The following PTN variants were observed in gnomAD, a reference collection of about 807,000 sequenced individuals.
PTN encodes the protein pleiotrophin.
A neutral mutation model predicts 24.1 loss-of-function variants in PTN; 18 were observed. The observed-to-expected ratio is 0.75, with a 90% confidence interval of 0.52 to 1.11. The LOEUF is 1.11. Among genes scored for constraint, PTN ranks in the 50% least tolerant of loss-of-function variants. PTN has a pLI of 0.00. For synonymous variants in PTN, 78 were observed against 68.6 expected (o/e 1.14, Z -0.67); for missense variants, 163 against 198.8 (o/e 0.82, Z 1.08).
rs149443798 is a variant in PTN at position 137,251,893 on chromosome 7, C to T, written c.290-502G>A. On this transcript the variant is annotated intron_variant, in intron 3 of 4. Transcript: ENST00000348225. ...TTTCTTCCTATTGCTGAGTAGTATT[C>T]CATGGTCCCAATGTACCCCAGTTTG... 1.1e-3 allele frequency among the ~76,000 whole-genome samples: 174 copies of T among 151,870 alleles called. 1 individual carries two copies. Among genetic ancestry groups the T allele is most frequent in the African/African-American group, 4.0e-3 (166 of 41,204 alleles).
intron 1 of PTN, among the ~76,000 whole-genome samples, chr7:137,295,790 A>G (rs926693845): frequency 6.6e-6 from 1 of 151,822 alleles, no homozygotes; most frequent in African/African-American, 2.4e-5. Flanking sequence ...AATTTTTTCT[A>G]CTTCACCAGT....
chr7:137,314,387 T>A (rs144230373), intron 1 of PTN, among the ~76,000 whole-genome samples: 176 of 152,216 alleles, frequency 1.2e-3, no homozygotes, highest in Non-Finnish European at 7.5e-4. Flanking sequence ...GTACCAGCAA[T>A]TGATGGAAGG....
chr7:137,338,299 C>A (rs1036390661), intron 1 of PTN, among the ~76,000 whole-genome samples: 1 of 152,156 alleles, frequency 6.6e-6, no homozygotes, highest in African/African-American at 2.4e-5. Context: ...AGTGCCATGT[C>A]TTAAAAATTA....
intron 4 of PTN, among the ~76,000 whole-genome samples, chr7:137,230,433 G>C (rs530460564): frequency 2.2e-4 from 34 of 151,878 alleles, no homozygotes; most frequent in Admixed American, 7.2e-4. Context: ...TCATGGTACT[G>C]TCCGGACACC....
At chr7:137,252,441 G>C (rs1240404572) in intron 3 of PTN, among the ~76,000 whole-genome samples, 1 of 151,814 alleles carries the variant, frequency 6.6e-6, no homozygotes. Context: ...TGTTGAGTTT[G>C]AGAGTTATTT....
At chr7:137,259,963 TTA>T (rs111842291) in intron 1 of PTN, among the ~76,000 whole-genome samples, 3,020 of 152,200 alleles carry the variant, frequency 0.02, 38 homozygotes, top group Middle Eastern at 0.027. Context: ...GATAAAACTA[TTA>T]TGTCTCCCAC....
Position 137,285,345 on chromosome 7 carries a change from T to C in PTN, c.-1-30371A>G, listed in dbSNP as rs1385849942. Among the ~76,000 whole-genome samples, 6 of 152,320 alleles carry C rather than the reference T, an allele frequency of 3.9e-5. No individual in the cohort carries two copies. In the South Asian group the frequency reaches 1.0e-3, roughly 26 times the overall value. On this transcript the variant is annotated intron_variant, in intron 1 of 4. Transcript: ENST00000348225. The stretch of plus-strand genomic sequence containing the variant: ...TAGATTAGAGACTATTACCTTGCAG[T>C]TGCAAATTTTAACTGAATTTAAAGT...
chr7:137,275,165 G>A (rs1809341706), intron 1 of PTN, among the ~76,000 whole-genome samples: 1 of 152,182 alleles, frequency 6.6e-6, no homozygotes, highest in African/African-American at 2.4e-5. Context: ...ATCAGAGGCA[G>A]CTTTGCACAG....
At chr7:137,306,314 G>A (rs1181988822) in intron 1 of PTN, among the ~76,000 whole-genome samples, 11 of 152,116 alleles carry the variant, frequency 7.2e-5, no homozygotes, top group Middle Eastern at 6.8e-3. Context: ...ACATCACATC[G>A]GATTGCAGAA....
intron 3 of PTN, among the ~76,000 whole-genome samples, chr7:137,253,050 T>G (rs1808855707): frequency 6.6e-6 from 1 of 151,922 alleles, no homozygotes; most frequent in Non-Finnish European, 1.5e-5. Flanking sequence ...AACTTAGAAA[T>G]AGAAGAAAGG....
At chr7:137,331,095 T>C (rs1166383001) in intron 1 of PTN, among the ~76,000 whole-genome samples, 1 of 152,202 alleles carries the variant, frequency 6.6e-6, no homozygotes, top group African/African-American at 2.4e-5. Flanking sequence ...TTTTGTCTTA[T>C]TGGTCTTGCT....
intron 1 of PTN, among the ~76,000 whole-genome samples, chr7:137,258,139 A>T (rs1395720801): frequency 6.6e-6 from 1 of 152,150 alleles, no homozygotes; most frequent in African/African-American, 2.4e-5. Context: ...GATTTCAAGG[A>T]AAAAAACACA....
intron 4 of PTN, among the ~76,000 whole-genome samples, chr7:137,234,175 G>T (rs946826953): frequency 6.6e-6 from 1 of 151,734 alleles, no homozygotes; most frequent in African/African-American, 2.4e-5. Context: ...TTTGAAATGT[G>T]ACCAAGTAAT....
chr7:137,338,485 G>A (rs150610294), intron 1 of PTN, among the ~76,000 whole-genome samples: 21 of 152,244 alleles, frequency 1.4e-4, no homozygotes, highest in African/African-American at 5.1e-4. Flanking sequence ...TGAAATAGAC[G>A]TTGCGTACCA....
intron 4 of PTN, among the ~76,000 whole-genome samples, chr7:137,247,597 A>C (rs922223270): frequency 6.6e-6 from 1 of 152,320 alleles, no homozygotes; most frequent in East Asian, 1.9e-4. Flanking sequence ...TTGATAGCAC[A>C]ACAGGGTGAC....
At chr7:137,287,462 T>C (rs904558420) in intron 1 of PTN, among the ~76,000 whole-genome samples, 3 of 152,022 alleles carry the variant, frequency 2.0e-5, no homozygotes, top group Admixed American at 6.6e-5. Context: ...ATTTTTTTTT[T>C]CAGAGAATTG....
intron 4 of PTN, among the ~76,000 whole-genome samples, chr7:137,236,502 A>G (rs1437073222): frequency 6.6e-6 from 1 of 152,112 alleles, no homozygotes; most frequent in African/African-American, 2.4e-5. Context: ...AGACAGAGAG[A>G]GAGAAAACCA....
chr7:137,340,897 G>A (rs754334543), intron 1 of PTN, among the ~76,000 whole-genome samples: 2 of 152,100 alleles, frequency 1.3e-5, no homozygotes, highest in Non-Finnish European at 2.9e-5. Context: ...GAGAAGTCAA[G>A]AACAACTCCC....
chr7:137,266,309 A>G (rs1699073017), intron 1 of PTN, among the ~76,000 whole-genome samples: 1 of 152,152 alleles, frequency 6.6e-6, no homozygotes, highest in South Asian at 2.1e-4. Context: ...TAACTTTTTA[A>G]TGTAGGTAAA....
Sources: allele counts gnomAD v4.1 joint callset (sites outside exome capture counted in the v4.1 genomes callset), GRCh38; gene constraint gnomAD v4.1.1; transcripts MANE v1.5; gene names NCBI Gene and HGNC (gene_info 2026-07-23, HGNC 2026-07-21).